The following PAPLN variants were observed in gnomAD, a reference collection of about 807,000 sequenced individuals.
The protein encoded by PAPLN is papilin, proteoglycan like sulfated glycoprotein, also known as papilin.
A neutral mutation model predicts 159.0 loss-of-function variants in PAPLN; 146 were observed. That is an observed-to-expected ratio of 0.92 (90% CI 0.80 to 1.05). The LOEUF (loss-of-function observed/expected upper bound fraction) is 1.05. Among genes scored for constraint, PAPLN ranks in the 50% least tolerant of loss-of-function variants. The pLI, the probability that PAPLN is intolerant of heterozygous loss-of-function variation, is 0.00. For missense variants in PAPLN, 1,720 were observed against 1,743.9 expected, an observed-to-expected ratio of 0.99 and a Z score of 0.24; for synonymous variants, 734 against 702.9, an observed-to-expected ratio of 1.04 and a Z score of -0.70.
At chr14:73,236,799 A>T (rs1883055597), upstream of PAPLN, among the ~76,000 whole-genome samples, 1 of 150,860 alleles carries the variant, frequency 6.6e-6, no homozygotes, top group Non-Finnish European at 1.5e-5. Context: ...CTGGGCAACA[A>T]GAGTGAAACT....
At chr14:73,267,895 G>A (rs977059029) in intron 25 of PAPLN, among the ~76,000 whole-genome samples, 1 of 152,116 alleles carries the variant, frequency 6.6e-6, no homozygotes, top group Non-Finnish European at 1.5e-5. Context: ...CTGACATAGT[G>A]TCCCCTTTAC....
chr14:73,246,292 C>T, intron 5 of PAPLN, 117 bp downstream of exon 5: 1 of 904,632 alleles, frequency 1.1e-6, no homozygotes, highest in Non-Finnish European at 1.6e-6. Context: ...GAGACAGTCT[C>T]ACTGTGTTGC....
In PAPLN at chr14:73,253,839, G is replaced by A. The variant is rs201570222; in HGVS notation, c.1180G>A (p.Gly394Arg). Residue 394 changes from glycine to arginine, a missense_variant, in exon 12 of 27, where the codon GGG becomes AGG. Physicochemically the swap from Gly to Arg is moderately radical, Grantham distance 125. Transcript: ENST00000644200. ...CTCCGTGTACTGCATCTCGTCTGAC[G>A]GGGCCGGCATCCAGGAGGCCGTGGA... is the stretch of plus-strand genomic sequence containing the variant. ...SRSVYCISSD[G>R]AGIQEAVEEA... 8.1e-5 allele frequency: 131 copies of A among 1,613,594 alleles called. 1 individual carries two copies. In the South Asian group the frequency reaches 1.3e-3, roughly 16 times the overall value.
chr14:73,258,884 G>A, intron 14 of PAPLN, 95 bp from the exon 15 acceptor site: 1 of 1,179,032 alleles, frequency 8.5e-7, no homozygotes, highest in South Asian at 1.9e-5. Flanking sequence ...CTGGGCAGTG[G>A]GGTAGAAGCC....
At position 73,248,106 on chromosome 14, in the gene PAPLN, T is replaced by TGTGTGTGTGC. The variant is rs139626596; in HGVS notation, c.335-1877_335-1876insTGTGTGTGCG. Among the ~76,000 whole-genome samples, 216 of 78,504 alleles carry TGTGTGTGTGC rather than the reference T, an allele frequency of 2.8e-3. 16 individuals carry two copies. Among genetic ancestry groups the TGTGTGTGTGC allele is most frequent in the Non-Finnish European group, 3.1e-3 (134 of 43,454 alleles). The allele number at this position is 78,504 out of a possible 152,430, so 51.5% of individuals were successfully genotyped here. ...GTGTGTGTGTGTGTGTGTGTGTGTG[T>TGTGTGTGTGC]GCGCGTGTGTGTGTTGTGGGGATCG... On this transcript the variant is annotated intron_variant, in intron 5 of 26. Coordinates refer to ENST00000644200, the MANE Select transcript of PAPLN (RefSeq NM_001365906.3).
In PAPLN at chr14:73,259,310, G is replaced by T. The variant is rs1174218335; in HGVS notation, c.1750G>T (p.Ala584Ser). 1 of 1,596,398 alleles carries T rather than the reference G, an allele frequency of 6.3e-7. No individual in the cohort carries two copies. The highest frequency in any genetic ancestry group is 8.6e-7 in the Non-Finnish European group (1 of 1,169,436). ...QWWAAQEHPSARGDHRGERGD... is the reference protein window; with the variant it reads ...QWWAAQEHPSSRGDHRGERGD... The stretch of plus-strand genomic sequence containing the variant: ...GTGGGCAGCCCAGGAACACCCCTCA[G>T]CCAGGGGTGACCACAGGGGAGAACG... Residue 584 changes from alanine to serine, a missense_variant, in exon 16 of 27, where the codon GCC becomes TCC. Ala to Ser is a moderately conservative substitution (Grantham distance 99). Coordinates refer to ENST00000644200, the MANE Select transcript of PAPLN (RefSeq NM_001365906.3).
chr14:73,260,787 C>T lies in PAPLN; in HGVS notation c.2064C>T (p.Asp688=), dbSNP rs1886489291. 2.0e-6 allele frequency: 3 copies of T among 1,493,302 alleles called. No homozygotes were observed. Among genetic ancestry groups the T allele is most frequent in the Middle Eastern group, 1.9e-4 (1 of 5,368 alleles). 92.5% of individuals were successfully genotyped at this position (1,493,302 alleles called of 1,614,324 possible). Residue 688 remains aspartate (D), a synonymous_variant, in exon 17 of 27, where the codon GAC becomes GAT. Coordinates refer to ENST00000644200, the MANE Select transcript of PAPLN (RefSeq NM_001365906.3). ...HAGCTKSYGG[D]STGGMPRSRA... is the part of the protein sequence containing the mutation. ...GCTGCACAAAGTCGTATGGTGGTGACAGCACCGGGGGCATGCCCAGGTCAA... is the reference window on the plus strand; with the variant it reads ...GCTGCACAAAGTCGTATGGTGGTGATAGCACCGGGGGCATGCCCAGGTCAA...
At chr14:73,252,505 A>T in intron 10 of PAPLN, 144 bp from the exon 11 acceptor site, 2 of 1,097,568 alleles carry the variant, frequency 1.8e-6, no homozygotes, top group Non-Finnish European at 2.5e-6. Flanking sequence ...CCAATTGGAG[A>T]TGTGGTGGCA....
chr14:73,249,962 C>A, intron 5 of PAPLN, 22 bp from the exon 6 acceptor site: 1 of 1,583,878 alleles, frequency 6.3e-7, no homozygotes, highest in Non-Finnish European at 8.6e-7. Context: ...GGATCTCAGT[C>A]TTGCCTTCCT....
chr14:73,264,692 G>T lies in PAPLN; in HGVS notation c.3091G>T (p.Ala1031Ser), dbSNP rs1483428275. 5.0e-6 allele frequency: 8 copies of T among 1,612,462 alleles called. No individual in the cohort carries two copies. The highest frequency in any genetic ancestry group is 6.8e-6 in the Non-Finnish European group (8 of 1,179,672). ...AGCGGGGGCTGCTGGGCCCCTGGGG[G>T]CCATCCCCTCTTCACACCCACAGCC... is the stretch of plus-strand genomic sequence containing the variant. ...GQAGAAGPLG[A>S]IPSSHPQPAN... The change falls in exon 22 of 27, where the codon GCC becomes TCC. Residue 1031 changes from alanine (A) to serine (S), a missense_variant. Transcript: ENST00000644200.
chr14:73,246,156 G>A lies in PAPLN; in HGVS notation c.315G>A (p.Arg105=), dbSNP rs1257625138. ...CGGAGTTCCAGGGGCGGCGGTATCG[G>A]TGGCTGCCCTACTACAGCGGTGAGC... The part of the protein sequence containing the change: ...DGAEFQGRRY[R]WLPYYSAPNK... Residue 105 remains arginine (R), a synonymous_variant, in exon 5 of 27, where the codon CGG becomes CGA. Coordinates refer to ENST00000644200, the MANE Select transcript of PAPLN (RefSeq NM_001365906.3). 3.1e-6 allele frequency: 5 copies of A among 1,590,006 alleles called. No homozygotes were observed. Among genetic ancestry groups the A allele is most frequent in the Non-Finnish European group, 4.3e-6 (5 of 1,171,172 alleles).
intron 14 of PAPLN, among the ~76,000 whole-genome samples, chr14:73,256,998 C>T (rs1213765302): frequency 2.0e-5 from 3 of 152,118 alleles, no homozygotes; most frequent in Non-Finnish European, 4.4e-5. Flanking sequence ...TATTTTGAGA[C>T]AGGGTCTCTG....
chr14:73,246,202 CG>C, intron 5 of PAPLN, 27 bp downstream of exon 5: 1 of 1,546,424 alleles, frequency 6.5e-7, no homozygotes, highest in Non-Finnish European at 8.7e-7. Flanking sequence ...CTCGCTCTCT[CG>C]GGGCCTCTTG....
chr14:73,259,982 C>T (rs1886371594), intron 16 of PAPLN, among the ~76,000 whole-genome samples: 1 of 152,110 alleles, frequency 6.6e-6, no homozygotes, highest in African/African-American at 2.4e-5. Flanking sequence ...CAGGTGCCCT[C>T]CCTCTGCCCC....
At chr14:73,269,234 A>G (rs576410879) in intron 26 of PAPLN, among the ~76,000 whole-genome samples, 17 of 151,888 alleles carry the variant, frequency 1.1e-4, no homozygotes, top group African/African-American at 3.4e-4. Flanking sequence ...TGGTGTTTCC[A>G]CCGGTCACAC....
intron 18 of PAPLN, chr14:73,261,936 C>T (rs532798480): frequency 5.2e-6 from 1 of 192,818 alleles, no homozygotes; most frequent in East Asian, 1.5e-4. Context: ...AGGGCATGCC[C>T]TTGCTGGGCA....
intron 18 of PAPLN, 117 bp downstream of exon 18, chr14:73,261,411 C>T: frequency 7.2e-7 from 1 of 1,390,450 alleles, no homozygotes; most frequent in African/African-American, 1.4e-5. Context: ...TTCATTCCTA[C>T]CACAAATGTT....
intron 2 of PAPLN, among the ~76,000 whole-genome samples, chr14:73,241,669 G>A (rs1170297487): frequency 2.0e-5 from 3 of 152,172 alleles, no homozygotes; most frequent in African/African-American, 7.2e-5. Context: ...GTGTGGCCCC[G>A]CTCACAGCTC....
Position 73,245,483 on chromosome 14 carries a change from C to A in PAPLN, c.171-153C>A. Reference sequence around the variant, plus strand: ...ACCAACATGGGTCGCTCACTCCCACCTGGGGGATTTACGGGGTGGGGTCGG... The same window carrying A: ...ACCAACATGGGTCGCTCACTCCCACATGGGGGATTTACGGGGTGGGGTCGG... On this transcript the variant is annotated intron_variant, in intron 3 of 26. Coordinates refer to ENST00000644200, the MANE Select transcript of PAPLN (RefSeq NM_001365906.3). This position sits in a 1 kb window ranked among gnomAD's most constrained non-coding sequence, Gnocchi z 4.2. 1.3e-6 allele frequency: 1 copy of A among 790,900 alleles called. No individual in the cohort carries two copies. The highest frequency in any genetic ancestry group is 2.0e-6 in the Non-Finnish European group (1 of 503,296). 49.0% of individuals were successfully genotyped at this position (790,900 alleles called of 1,614,324 possible).
Sources: allele counts gnomAD v4.1 joint callset (sites outside exome capture counted in the v4.1 genomes callset), GRCh38; gene constraint gnomAD v4.1.1; non-coding constraint Gnocchi (gnomAD v3.1); transcripts MANE v1.5; gene names NCBI Gene and HGNC (gene_info 2026-07-23, HGNC 2026-07-21).